The following TTLL8 variants were observed in gnomAD, a reference collection of about 807,000 sequenced individuals.
The protein encoded by TTLL8 is protein monoglycylase TTLL8.
In TTLL8, 65 loss-of-function variants were observed where a neutral mutation model predicts 77.8. That is an observed-to-expected ratio of 0.84 (90% CI 0.68 to 1.03). TTLL8 has a LOEUF of 1.03. Ranked by LOEUF, TTLL8 falls within the 50% of genes least tolerant of loss-of-function variation. The probability of loss-of-function intolerance (pLI) is 0.00; values close to 1 mark genes in which losing one functional copy is unlikely to be tolerated. For missense variants in TTLL8, 910 were observed against 1,004.5 expected, an observed-to-expected ratio of 0.91 and a Z score of 1.27; for synonymous variants, 402 against 422.8, an observed-to-expected ratio of 0.95 and a Z score of 0.60.
chr22:50,031,836 C>A (rs1195996415), exon 11 of TTLL8: 3 of 1,367,098 alleles, frequency 2.2e-6, no homozygotes, highest in Non-Finnish European at 2.9e-6. Context: ...TCAGCCAGGG[C>A]CTGAAGTCCC....
intron 10 of TTLL8, among the ~76,000 whole-genome samples, chr22:50,032,715 A>G (rs1293610936): frequency 6.6e-6 from 1 of 152,194 alleles, no homozygotes; most frequent in Admixed American, 6.5e-5. Flanking sequence ...GCCTTGGTGC[A>G]GACAGAGGGT....
intron 6 of TTLL8, among the ~76,000 whole-genome samples, chr22:50,042,860 G>A (rs2061380442): frequency 1.3e-5 from 2 of 152,230 alleles, no homozygotes; most frequent in African/African-American, 4.8e-5. Flanking sequence ...AGGATGTGGA[G>A]AACAGGAACT....
At chr22:50,057,991 A>G (rs1189963648), upstream of TTLL8, among the ~76,000 whole-genome samples, 1 of 142,628 alleles carries the variant, frequency 7.0e-6, no homozygotes, top group Non-Finnish European at 1.5e-5. Context: ...TCCTAGGGTA[A>G]GGGGTCTAGA....
upstream of TTLL8, among the ~76,000 whole-genome samples, chr22:50,055,803 A>G (rs1158828691): frequency 6.6e-6 from 1 of 152,154 alleles, no homozygotes; most frequent in Non-Finnish European, 1.5e-5. Context: ...GATTGGTCCA[A>G]GGAATGGTGG....
exon 11 of TTLL8, chr22:50,031,740 C>T (rs1284350654): frequency 1.0e-5 from 14 of 1,354,282 alleles, no homozygotes; most frequent in Non-Finnish European, 1.4e-5. Context: ...CCACGGCCAC[C>T]TTGATGGTGT....
chr22:50,056,746 GCT>G (rs1970807944), upstream of TTLL8: 7 of 1,278,034 alleles, frequency 5.5e-6, no homozygotes, highest in African/African-American at 9.1e-5. This position sits in a 1 kb window ranked among gnomAD's most constrained non-coding sequence, Gnocchi z 4.1. Context: ...TGGTTCTGCA[GCT>G]CAGTGAAGTG....
chr22:50,056,875 C>T, upstream of TTLL8: 1 of 1,289,716 alleles, frequency 7.8e-7, no homozygotes, highest in Non-Finnish European at 1.0e-6. The surrounding 1 kb of genome is among the most constrained non-coding windows in gnomAD (Gnocchi z 4.1). Flanking sequence ...CCACTATTTT[C>T]TTCTCTCCCG....
intron 8 of TTLL8, among the ~76,000 whole-genome samples, chr22:50,037,313 T>C (rs1458165552): frequency 6.6e-6 from 1 of 152,004 alleles, no homozygotes. Context: ...GTTCAAGAGA[T>C]TCTTCTGCCT....
chr22:50,029,522 C>G (rs973676081), intron 12 of TTLL8, among the ~76,000 whole-genome samples: 2 of 151,554 alleles, frequency 1.3e-5, no homozygotes, highest in Non-Finnish European at 2.9e-5. Context: ...CGGCGGATCA[C>G]GAGGTCAGGA....
chr22:50,049,451 C>T, intron 2 of TTLL8, 129 bp from the exon 5 acceptor site: 2 of 1,001,180 alleles, frequency 2.0e-6, no homozygotes, highest in Non-Finnish European at 2.8e-6. Context: ...ATGGGGCCTT[C>T]CCCTGGTGGA....
chr22:50,047,122 C>T (rs2061417109), intron 4 of TTLL8, 46 bp downstream of exon 6: 2 of 1,361,854 alleles, frequency 1.5e-6, no homozygotes, highest in African/African-American at 1.5e-5. Context: ...AGCTCCTCCC[C>T]ACCACCCTTG....
intron 12 of TTLL8, among the ~76,000 whole-genome samples, chr22:50,024,668 C>T (rs192297394): frequency 1.3e-4 from 20 of 152,284 alleles, no homozygotes; most frequent in Admixed American, 6.5e-4. Context: ...TATACACAGA[C>T]GGGGTGATCT....
chr22:50,057,448 T>G (rs1485772844), upstream of TTLL8, among the ~76,000 whole-genome samples: 1 of 49,264 alleles, frequency 2.0e-5, no homozygotes. Flanking sequence ...GGGTTGGGGG[T>G]CAGGTCTGGG....
chr22:50,049,430 C>A, intron 2 of TTLL8, 108 bp from the exon 5 acceptor site: 1 of 1,235,608 alleles, frequency 8.1e-7, no homozygotes, highest in Non-Finnish European at 1.1e-6. Flanking sequence ...CTTCCAGAAA[C>A]CTGGCTCCAG....
intron 8 of TTLL8, among the ~76,000 whole-genome samples, chr22:50,035,459 C>T (rs1171131289): frequency 6.6e-6 from 1 of 152,152 alleles, no homozygotes; most frequent in Non-Finnish European, 1.5e-5. Flanking sequence ...TGGGCGAGAG[C>T]CCCTGTAGGG....
intron 6 of TTLL8, among the ~76,000 whole-genome samples, chr22:50,043,539 T>G (rs5771319): frequency 0.012 from 222 of 17,848 alleles, no homozygotes; most frequent in Non-Finnish European, 0.015. Flanking sequence ...ACACCCTTCG[T>G]TAGATGGATA....
rs1457360195 is a variant in TTLL8, at chr22:50,030,725, C to G, written c.1908G>C (p.Arg636=). Residue 636 remains arginine, a synonymous_variant, in exon 12 of 14, where the codon CGG becomes CGC. Transcript: ENST00000266182. ...CCTTCTCTTCCTTCAGTCCCAAGTC[C>G]CGCTGGAGAGCTGGTGATGGGGGTC... The G allele has an allele frequency of 3.0e-6, 4 of 1,316,218 alleles. No homozygotes were observed. In the South Asian group the frequency reaches 5.0e-5, roughly 16 times the overall value. The allele number at this position is 1,316,218 out of a possible 1,614,324, so 81.5% of individuals were successfully genotyped here.
At position 50,041,796 on chromosome 22, in the gene TTLL8, C is replaced by G. The variant is rs764632837; in HGVS notation, c.655G>C (p.Ala219Pro). Residue 219 changes from alanine to proline, a missense_variant, in exon 7 of 14, where the codon GCT (alanine) becomes CCT (proline). Transcript: ENST00000266182. This position sits in a 1 kb window ranked among gnomAD's most constrained non-coding sequence, Gnocchi z 4.3. ...GGGAGGCCCCTGAGCTTTGCCTCAGCATTTTCAGCATCTGAAACCCAGACA... is the reference window on the plus strand; with the variant it reads ...GGGAGGCCCCTGAGCTTTGCCTCAGGATTTTCAGCATCTGAAACCCAGACA... 2.9e-6 allele frequency: 4 copies of G among 1,361,422 alleles called. No homozygotes were observed. In the East Asian group the frequency reaches 1.4e-4, roughly 47 times the overall value. The allele number at this position is 1,361,422 out of a possible 1,614,324, so 84.3% of individuals were successfully genotyped here. A position where few individuals can be genotyped will look rare whatever the true frequency, so the allele number is the denominator to read the frequency against.
At chr22:50,030,451 G>T in exon 12 of TTLL8, 1 of 1,334,910 alleles carries the variant, frequency 7.5e-7, no homozygotes, top group Non-Finnish European at 9.9e-7. Context: ...GGCGGCGGAC[G>T]CAGCGCGCCC....
Sources: gnomAD v4.1 joint callset for allele counts (sites outside exome capture counted in the v4.1 genomes callset) on GRCh38, gnomAD v4.1.1 for gene constraint, Gnocchi (gnomAD v3.1) non-coding constraint, MANE v1.5 for transcripts, NCBI Gene and HGNC (gene_info 2026-07-23, HGNC 2026-07-21) for gene names.